The following SORCS1 variants were observed in gnomAD, a reference collection of about 807,000 sequenced individuals.
SORCS1 encodes sortilin related VPS10 domain containing receptor 1.
Under a neutral mutation model 146.1 loss-of-function variants are expected in SORCS1, and 60 were observed. The observed-to-expected ratio is 0.41, with a 90% CI of 0.33 to 0.51. The LOEUF is 0.51. Ranked by LOEUF, SORCS1 falls within the 20% of genes least tolerant of loss-of-function variation. The pLI, the probability that SORCS1 is intolerant of heterozygous loss-of-function variation, is 0.21. For missense variants in SORCS1, 1,352 were observed against 1,487.6 expected (o/e 0.91, Z 1.50); for synonymous variants, 637 against 584.0 (o/e 1.09, Z -1.31).
In SORCS1 at chr10:106,872,074, A is replaced by G. The variant is rs575107142; in HGVS notation, c.627-42401T>C. ...ATGGAGCTTAAATTCTAGTGGAAATAGAGTATGAACAATAAACAAACATAT... is the reference window on the plus strand; with the variant it reads ...ATGGAGCTTAAATTCTAGTGGAAATGGAGTATGAACAATAAACAAACATAT... On this transcript the variant is annotated intron_variant, in intron 2 of 25. Transcript: ENST00000263054. Among the ~76,000 whole-genome samples, 5 of 152,390 alleles carry G rather than the reference A, an allele frequency of 3.3e-5. No homozygotes were observed. The East Asian group carries it at 7.7e-4, about 23-fold the overall frequency.
At chr10:106,724,836 G>A (rs1856036762) in intron 6 of SORCS1, among the ~76,000 whole-genome samples, 3 of 152,176 alleles carry the variant, frequency 2.0e-5, no homozygotes, top group Admixed American at 2.0e-4. Context: ...AATAATTTCT[G>A]GTTCAAAGTC....
At chr10:106,648,425 T>A (rs1033055262) in intron 18 of SORCS1, among the ~76,000 whole-genome samples, 1 of 152,216 alleles carries the variant, frequency 6.6e-6, no homozygotes, top group African/African-American at 2.4e-5. Flanking sequence ...TAACTCCACT[T>A]AATTCGCTCC....
At position 106,839,690 on chromosome 10, in the gene SORCS1, G is replaced by C. The variant is rs564320906; in HGVS notation, c.627-10017C>G. Among the ~76,000 whole-genome samples, 51 of 152,342 alleles carry C rather than the reference G, an allele frequency of 3.3e-4. 1 individual carries two copies. The South Asian group carries it at 0.01, about 30-fold the overall frequency. On this transcript the variant is annotated intron_variant, in intron 2 of 25. Coordinates refer to ENST00000263054, the MANE Select transcript of SORCS1 (RefSeq NM_052918.5). The stretch of plus-strand genomic sequence containing the variant: ...ATTCCATTAGAATTTCAAAGCTAGA[G>C]AGAAGTAGCCAATGCTGGCTTCAGA...
At chr10:106,975,295 A>C (rs369735103) in intron 1 of SORCS1, among the ~76,000 whole-genome samples, 1 of 152,342 alleles carries the variant, frequency 6.6e-6, no homozygotes, top group East Asian at 1.9e-4. Context: ...AGCTGAAAAC[A>C]ACACTTCTGG....
chr10:106,832,794 G>C (rs977743926), intron 2 of SORCS1, among the ~76,000 whole-genome samples: 2 of 152,178 alleles, frequency 1.3e-5, no homozygotes, highest in South Asian at 2.1e-4. Context: ...CAAGAAAATG[G>C]TTCAATTTTC....
At chr10:106,731,486 C>T (rs1014692049) in intron 5 of SORCS1, among the ~76,000 whole-genome samples, 4 of 151,984 alleles carry the variant, frequency 2.6e-5, no homozygotes, top group African/African-American at 9.7e-5. Flanking sequence ...CTTCTGCCTT[C>T]AGGTTGAGAT....
chr10:107,170,346 A>C, the SORCS1 span, among the ~76,000 whole-genome samples: 137 of 152,350 alleles, frequency 9.0e-4, 1 homozygote, highest in Non-Finnish European at 1.5e-5. Flanking sequence ...GCTACATTTC[A>C]CTTTTGTTGC....
chr10:107,160,145 C>T (rs900662249), intron 1 of SORCS1, among the ~76,000 whole-genome samples: 25 of 152,154 alleles, frequency 1.6e-4, no homozygotes, highest in Admixed American at 1.0e-3. Context: ...ATGGAGCTTC[C>T]AGCTAAGAGT....
intron 17 of SORCS1, among the ~76,000 whole-genome samples, chr10:106,654,735 C>CT (rs1303184043): frequency 6.6e-6 from 1 of 152,210 alleles, no homozygotes; most frequent in Non-Finnish European, 1.5e-5. Context: ...AATTAGGAAA[C>CT]TTATGGGTTA....
At position 106,936,515 on chromosome 10, in the gene SORCS1, G is replaced by A. The variant is rs551589546; in HGVS notation, c.626+19998C>T. On this transcript the variant is annotated intron_variant, in intron 2 of 25. Coordinates refer to ENST00000263054, the MANE Select transcript of SORCS1 (RefSeq NM_052918.5). ...TGTATGGAACATGCCACTAATGGAGGGAACTCACATTTAATGAGATCCTAC... is the reference window on the plus strand; with the variant it reads ...TGTATGGAACATGCCACTAATGGAGAGAACTCACATTTAATGAGATCCTAC... 5.9e-5 allele frequency among the ~76,000 whole-genome samples: 9 copies of A among 152,258 alleles called. No individual in the cohort carries two copies. In the South Asian group the frequency reaches 6.2e-4, roughly 11 times the overall value.
At chr10:106,910,283 T>G (rs1038912354) in intron 2 of SORCS1, among the ~76,000 whole-genome samples, 5 of 146,034 alleles carry the variant, frequency 3.4e-5, no homozygotes, top group African/African-American at 1.3e-4. Flanking sequence ...TCTCTTTACA[T>G]TGTGTGTGTG....
rs1441047911 is a variant in SORCS1, at chr10:106,575,052, A to T, written c.*2368T>A. On this transcript the variant is annotated 3_prime_UTR_variant, in exon 26 of 26. Transcript: ENST00000263054. ...ATACCTCTTTCATACTTTTCTAATT[A>T]AAATGAATTGAACTGCAACTCTGAG... 1 of 152,656 alleles carries T rather than the reference A, an allele frequency of 6.6e-6. No individual in the cohort carries two copies. Among genetic ancestry groups the T allele is most frequent in the African/African-American group, 2.4e-5 (1 of 41,468 alleles). The allele number at this position is 152,656 out of a possible 1,614,324, so 9.5% of individuals were successfully genotyped here. A position where few individuals can be genotyped will look rare whatever the true frequency, so the allele number is the denominator to read the frequency against.
At chr10:106,830,329 TA>T (rs2137015142) in intron 2 of SORCS1, among the ~76,000 whole-genome samples, 1 of 152,318 alleles carries the variant, frequency 6.6e-6, no homozygotes, top group South Asian at 2.1e-4. Context: ...TCGGATTAAA[TA>T]AATTGCTTTT....
chr10:106,695,345 C>A (rs540169330), intron 9 of SORCS1, among the ~76,000 whole-genome samples: 1 of 151,990 alleles, frequency 6.6e-6, no homozygotes, highest in East Asian at 2.0e-4. Context: ...TCTGTTTTCA[C>A]TGGTATGCAA....
chr10:107,176,317 C>CTT, the SORCS1 span, among the ~76,000 whole-genome samples: 1 of 74,974 alleles, frequency 1.3e-5, no homozygotes, highest in Non-Finnish European at 3.5e-5. Flanking sequence ...CTCTTTCTTT[C>CTT]TCTCTCTCTC....
At chr10:106,669,013 C>A (rs746778443) in intron 16 of SORCS1, among the ~76,000 whole-genome samples, 3 of 152,128 alleles carry the variant, frequency 2.0e-5, no homozygotes, top group African/African-American at 2.4e-5. Context: ...CATGCAGTGA[C>A]AGAAATCCCA....
chr10:106,744,000 T>A (rs1236124980), intron 5 of SORCS1, among the ~76,000 whole-genome samples: 3 of 152,228 alleles, frequency 2.0e-5, no homozygotes, highest in Non-Finnish European at 2.9e-5. Flanking sequence ...CACGATGTAA[T>A]ATTAGAACAC....
At chr10:106,997,919 G>C (rs1957067615) in intron 1 of SORCS1, among the ~76,000 whole-genome samples, 1 of 152,198 alleles carries the variant, frequency 6.6e-6, no homozygotes, top group Non-Finnish European at 1.5e-5. Context: ...TGCATGGGTA[G>C]GGAGAGGAAA....
chr10:106,874,044 T>C (rs976518687), intron 2 of SORCS1, among the ~76,000 whole-genome samples: 19 of 152,220 alleles, frequency 1.2e-4, no homozygotes, highest in Non-Finnish European at 1.2e-4. Context: ...ATCAACCTGA[T>C]TGTGAAACAT....
Sources: gnomAD v4.1 joint callset for allele counts (sites outside exome capture counted in the v4.1 genomes callset) on GRCh38, gnomAD v4.1.1 for gene constraint, MANE v1.5 for transcripts, NCBI Gene and HGNC (gene_info 2026-07-23, HGNC 2026-07-21) for gene names.